Variants in GIT2 observed in about 807,000 individuals in gnomAD.
GIT2 encodes the protein GIT ArfGAP 2.
GIT2 carries 32 observed loss-of-function variants against 100.3 expected under a neutral mutation model. That is an observed-to-expected ratio of 0.32 (90% CI 0.24 to 0.43). The LOEUF is 0.43. Ranked by LOEUF, GIT2 falls within the 20% of genes least tolerant of loss-of-function variation. The pLI, the probability that GIT2 is intolerant of heterozygous loss-of-function variation, is 1.00. For synonymous variants in GIT2, 353 were observed against 364.1 expected, an observed-to-expected ratio of 0.97 and a Z score of 0.35; for missense variants, 737 against 975.1, an observed-to-expected ratio of 0.76 and a Z score of 3.25.
chr12:109,977,598 C>T (rs1324556348), intron 7 of GIT2, among the ~76,000 whole-genome samples: 4 of 151,848 alleles, frequency 2.6e-5, no homozygotes, highest in East Asian at 1.9e-4. Context: ...CCGAGGTGGG[C>T]GGATCACGAG....
Position 109,989,020 on chromosome 12 carries a change from G to A in GIT2, c.348C>T (p.Phe116=), listed in dbSNP as rs377253455. 2.0e-5 allele frequency: 33 copies of A among 1,613,058 alleles called. No homozygotes were observed. The highest frequency in any genetic ancestry group is 3.3e-4 in the Middle Eastern group (2 of 6,060). ...FIRAKYQMLA[F]VHRLPCRDDD... ...CATCCCGGCAGGGCAAGCGATGGAC[G>A]AACGCTAACATCTGATACTTGGCTC... is the stretch of plus-strand genomic sequence containing the variant. The change falls in exon 4 of 20, where the codon TTC becomes TTT. Residue 116 remains phenylalanine (F), a synonymous_variant. Coordinates refer to ENST00000355312, the MANE Select transcript of GIT2 (RefSeq NM_057169.5).
At chr12:109,986,827 C>T (rs11069215) in intron 4 of GIT2, among the ~76,000 whole-genome samples, 10,555 of 150,770 alleles carry the variant, frequency 0.07, 600 homozygotes, top group African/African-American at 0.15. Context: ...CCTGGTGGCA[C>T]GTGCCTGTAA....
At chr12:109,976,593 CTT>C (rs938104261) in intron 7 of GIT2, among the ~76,000 whole-genome samples, 18 of 104,374 alleles carry the variant, frequency 1.7e-4, no homozygotes, top group Non-Finnish European at 1.8e-4. Context: ...GTTTTCTTTT[CTT>C]TTTTTTTTTT....
intron 3 of GIT2, 150 bp downstream of exon 3, chr12:109,989,540 T>A (rs1888007968): frequency 3.3e-6 from 2 of 599,930 alleles, no homozygotes; most frequent in Admixed American, 6.0e-5. Context: ...CACCCCATTC[T>A]GCATTTCTAA....
chr12:109,984,145 C>T (rs1886879511), intron 4 of GIT2, among the ~76,000 whole-genome samples: 1 of 152,178 alleles, frequency 6.6e-6, no homozygotes, highest in Admixed American at 6.5e-5. Flanking sequence ...TGCAGTGGCT[C>T]ATGCCTGTAA....
chr12:109,934,375 G>A lies in GIT2; in HGVS notation c.2004-290C>T, dbSNP rs377331684. On this transcript the variant is annotated intron_variant, in intron 18 of 19. Transcript: ENST00000355312. This position sits in a 1 kb window ranked among gnomAD's most constrained non-coding sequence, Gnocchi z 4.5. ...AGAAACATAATTCACCCCTCCTCAC[G>A]TCAGTCATTTACTTCTCATGTGTTT... Among the ~76,000 whole-genome samples the A allele has an allele frequency of 5.3e-5, 8 of 152,254 alleles. No homozygotes were observed. The highest frequency in any genetic ancestry group is 1.3e-4 in the Admixed American group (2 of 15,294).
intron 1 of GIT2, among the ~76,000 whole-genome samples, chr12:109,994,854 G>A (rs904973646): frequency 4.6e-5 from 7 of 152,124 alleles, no homozygotes; most frequent in Non-Finnish European, 2.9e-5. Context: ...AGAAAATGAT[G>A]GAGTTTGTAT....
chr12:109,938,547 T>C lies in GIT2; in HGVS notation c.1836A>G (p.Gln612=), dbSNP rs760763846. ...CATCCCCTGGCCACACCATACTTCT[T>C]TGCCGTCCCTTTCGGCTTGACCTGT... ...DGMGSSRKGR[Q]RSMVWPGDGL... Residue 612 remains glutamine (Q), a synonymous_variant, in exon 18 of 20, where the codon CAA becomes CAG. Transcript: ENST00000355312. 1.9e-6 allele frequency: 3 copies of C among 1,602,562 alleles called. No individual in the cohort carries two copies. The Admixed American group carries it at 5.2e-5, about 28-fold the overall frequency.
At chr12:109,973,496 C>T (rs1884404452) in intron 7 of GIT2, among the ~76,000 whole-genome samples, 1 of 152,066 alleles carries the variant, frequency 6.6e-6, no homozygotes, top group Non-Finnish European at 1.5e-5. Context: ...ATAGTGACAA[C>T]TCCATCTGTA....
intron 14 of GIT2, among the ~76,000 whole-genome samples, chr12:109,950,436 G>C (rs913680798): frequency 6.6e-6 from 1 of 152,170 alleles, no homozygotes; most frequent in Non-Finnish European, 1.5e-5. Context: ...GCAATTTTTC[G>C]AATTCCCTTA....
chr12:109,968,911 A>G (rs903810459), intron 7 of GIT2, among the ~76,000 whole-genome samples: 1 of 151,768 alleles, frequency 6.6e-6, no homozygotes, highest in Non-Finnish European at 1.5e-5. Flanking sequence ...TTTAGTAGAA[A>G]CAGGGTTTCG....
Position 109,947,243 on chromosome 12 carries a change from T to G in GIT2, c.1641+13A>C, listed in dbSNP as rs1479863274. On this transcript the variant is annotated intron_variant, in intron 15 of 19. Coordinates refer to ENST00000355312, the MANE Select transcript of GIT2 (RefSeq NM_057169.5). This position sits in a 1 kb window ranked among gnomAD's most constrained non-coding sequence, Gnocchi z 4.3. ...ATAGAGTGAACAGCAGAAGCGCCAG[T>G]GGTGTTACTTACGTGCGCGGGGAAG... is the stretch of plus-strand genomic sequence containing the variant. The G allele has an allele frequency of 6.2e-7, 1 of 1,608,976 alleles. No homozygotes were observed. Among genetic ancestry groups the G allele is most frequent in the Non-Finnish European group, 8.5e-7 (1 of 1,176,832 alleles).
intron 7 of GIT2, among the ~76,000 whole-genome samples, chr12:109,970,267 G>T (rs963760565): frequency 6.6e-6 from 1 of 152,112 alleles, no homozygotes; most frequent in Non-Finnish European, 1.5e-5. Flanking sequence ...GCCGATGCGG[G>T]CAGTTCACGA....
intron 7 of GIT2, 146 bp from the exon 8 acceptor site, chr12:109,967,649 C>G: frequency 1.5e-6 from 1 of 650,784 alleles, no homozygotes; most frequent in Non-Finnish European, 2.7e-6. Flanking sequence ...GCTAAAAATT[C>G]CTGAAGACCC....
At chr12:109,980,247 T>C (rs576232857) in intron 7 of GIT2, among the ~76,000 whole-genome samples, 1 of 152,230 alleles carries the variant, frequency 6.6e-6, no homozygotes, top group South Asian at 2.1e-4. Context: ...AAAAACTTTT[T>C]TGTGGAGACG....
chr12:109,939,682 A>AAAATAAATAAAAT (rs1874061494), intron 16 of GIT2: 1 of 140,254 alleles, frequency 7.1e-6, no homozygotes, highest in Non-Finnish European at 1.5e-5. Context: ...AAAAATAAAT[A>AAAATAAATAAAAT]AAATAAATAA....
In GIT2 at chr12:109,951,443, T is replaced by A. The variant is rs1877824871; in HGVS notation, c.1243-127A>T. On this transcript the variant is annotated intron_variant, in intron 13 of 19. Coordinates refer to ENST00000355312, the MANE Select transcript of GIT2 (RefSeq NM_057169.5). ...AAGTTAGTCAAACCAAATCAAGGCCTCTGAGAGTAATGCAAAACTAAAACA... is the reference window on the plus strand; with the variant it reads ...AAGTTAGTCAAACCAAATCAAGGCCACTGAGAGTAATGCAAAACTAAAACA... 1.1e-5 allele frequency: 8 copies of A among 709,650 alleles called. No homozygotes were observed. In the South Asian group the frequency reaches 1.2e-4, roughly 11 times the overall value. 44.0% of individuals were successfully genotyped at this position (709,650 alleles called of 1,614,324 possible).
At chr12:109,971,918 C>T (rs1302660054) in intron 7 of GIT2, among the ~76,000 whole-genome samples, 9 of 151,104 alleles carry the variant, frequency 6.0e-5, no homozygotes, top group African/African-American at 1.7e-4. Flanking sequence ...TGCTTGAACC[C>T]GGGAGGCGGA....
At chr12:109,978,135 T>G (rs1283100703) in intron 7 of GIT2, among the ~76,000 whole-genome samples, 1 of 143,478 alleles carries the variant, frequency 7.0e-6, no homozygotes, top group Non-Finnish European at 1.5e-5. Context: ...CAGGTTGGAG[T>G]GCAGTGGCTC....
Sources: allele counts gnomAD v4.1 joint callset (sites outside exome capture counted in the v4.1 genomes callset), GRCh38; gene constraint gnomAD v4.1.1; non-coding constraint Gnocchi (gnomAD v3.1); transcripts MANE v1.5; gene names NCBI Gene and HGNC (gene_info 2026-07-23, HGNC 2026-07-21).